Variants in MYH14 observed in about 807,000 individuals in gnomAD.
MYH14 encodes the protein myosin-14.
A neutral mutation model predicts 255.5 loss-of-function variants in MYH14; 123 were observed. The ratio of observed to expected loss-of-function variants is 0.48; its 90% CI spans 0.42 to 0.56. MYH14 has a LOEUF of 0.56. Among genes scored for constraint, MYH14 ranks in the 20% least tolerant of loss-of-function variants. MYH14 has a pLI of 0.00. For synonymous variants in MYH14, 1,095 were observed against 1,161.2 expected (o/e 0.94, Z 1.16); for missense variants, 2,423 against 2,802.3 (o/e 0.86, Z 3.06).
At chr19:50,234,163 C>T (rs1235319291) in intron 10 of MYH14, among the ~76,000 whole-genome samples, 8 of 152,048 alleles carry the variant, frequency 5.3e-5, no homozygotes, top group Admixed American at 4.6e-4. Context: ...TCGTTACATC[C>T]GTAATGACCC....
At chr19:50,299,859 C>T (rs998012135) in intron 39 of MYH14, among the ~76,000 whole-genome samples, 19 of 152,134 alleles carry the variant, frequency 1.2e-4, no homozygotes, top group Non-Finnish European at 2.2e-4. Flanking sequence ...GCAAGAAAAT[C>T]GCTTGACCCC....
rs989313282 is a variant in MYH14 at position 50,292,141 on chromosome 19, C to T, written c.5128-120C>T. On this transcript the variant is annotated intron_variant, in intron 36 of 42. Transcript: ENST00000642316. Reference sequence around the variant, plus strand: ...CACAGGAGCCCAGGTCTGCAGGGTTCGGAGAGTTCCCTGCTTGTTCACGGG... The same window carrying T: ...CACAGGAGCCCAGGTCTGCAGGGTTTGGAGAGTTCCCTGCTTGTTCACGGG... 9.3e-6 allele frequency: 10 copies of T among 1,075,352 alleles called. No individual in the cohort carries two copies. The East Asian group carries it at 1.2e-4, about 13-fold the overall frequency. 66.6% of individuals were successfully genotyped at this position (1,075,352 alleles called of 1,614,324 possible).
rs192216550 is a variant in MYH14 at position 50,275,813 on chromosome 19, G to A, written c.3468-178G>A. 2.0e-4 allele frequency among the ~76,000 whole-genome samples: 30 copies of A among 152,334 alleles called. No individual in the cohort carries two copies. In the East Asian group the frequency reaches 2.1e-3, roughly 11 times the overall value. ...TGCACTCCAGCATGGGCAGCAGAGC[G>A]AGACCCTGTCTCAGAAAACTTAAAT... On this transcript the variant is annotated intron_variant, in intron 27 of 42. Transcript: ENST00000642316.
Position 50,250,813 on chromosome 19 carries a change from G to A in MYH14, c.1830+125G>A. 9.9e-7 allele frequency: 1 copy of A among 1,010,638 alleles called. No homozygotes were observed. The allele number at this position is 1,010,638 out of a possible 1,614,324, so 62.6% of individuals were successfully genotyped here. A position where few individuals can be genotyped will look rare whatever the true frequency, so the allele number is the denominator to read the frequency against. On this transcript the variant is annotated intron_variant, in intron 15 of 42. Coordinates refer to ENST00000642316, the MANE Select transcript of MYH14 (RefSeq NM_001145809.2). The surrounding 1 kb of genome is among the most constrained non-coding windows in gnomAD (Gnocchi z 5.4). The stretch of plus-strand genomic sequence containing the variant: ...CCTGAGGTCCAGACAAACAGAGCAG[G>A]GGCTAGGAGAGCCCAGGGAGGAGCA...
chr19:50,268,562 G>A (rs553721825), intron 24 of MYH14, among the ~76,000 whole-genome samples, 195 bp downstream of exon 24: 1 of 152,374 alleles, frequency 6.6e-6, no homozygotes, highest in Admixed American at 6.5e-5. Flanking sequence ...ACCTATGGAT[G>A]GATCCAGGCA....
chr19:50,207,247 GAGAGAGAGAAAGAGAGAGAGAGAC>G (rs1362844783), intron 1 of MYH14, among the ~76,000 whole-genome samples: 2 of 137,148 alleles, frequency 1.5e-5, no homozygotes, highest in Non-Finnish European at 3.1e-5. Context: ...AAGAGAGAGA[GAGAGAGAGAAAGAGAGAGAGAGAC>G]AGAGAGAGAG....
chr19:50,280,084 A>C lies in MYH14; in HGVS notation c.4080A>C (p.Lys1360Asn). The change falls in exon 31 of 43, where the codon AAA becomes AAC. Residue 1360 changes from lysine (K) to asparagine (N), a missense_variant. Lys to Asn is a moderately conservative substitution (Grantham distance 94, BLOSUM62 0). Transcript: ENST00000642316. The surrounding 1 kb of genome is among the most constrained non-coding windows in gnomAD (Gnocchi z 4.8). ...GGGCGCTGAACGAGGCTGAGTCCAA[A>C]ACCATCCGTCTTAGCAAGGAGCTGA... The part of the protein sequence containing the change: ...VSGALNEAES[K>N]TIRLSKELSS... The C allele has an allele frequency of 6.2e-7, 1 of 1,611,088 alleles. No homozygotes were observed. Among genetic ancestry groups the C allele is most frequent in the South Asian group, 1.1e-5 (1 of 90,188 alleles).
In MYH14 at chr19:50,232,086, G is replaced by A; in HGVS notation, c.1114+16G>A. ...GAAATCATCTGTGAGTGAGCCCCGTGGAGGCCAGGGGTAGGGGGGAACCCC... is the reference window on the plus strand; with the variant it reads ...GAAATCATCTGTGAGTGAGCCCCGTAGAGGCCAGGGGTAGGGGGGAACCCC... On this transcript the variant is annotated intron_variant, in intron 10 of 42. Coordinates refer to ENST00000642316, the MANE Select transcript of MYH14 (RefSeq NM_001145809.2). 1 of 1,608,900 alleles carries A rather than the reference G, an allele frequency of 6.2e-7. No homozygotes were observed. The highest frequency in any genetic ancestry group is 8.5e-7 in the Non-Finnish European group (1 of 1,179,762).
chr19:50,259,169 T>C lies in MYH14; in HGVS notation c.2258T>C (p.Val753Ala). 6.4e-7 allele frequency: 1 copy of C among 1,561,530 alleles called. No homozygotes were observed. The highest frequency in any genetic ancestry group is 1.2e-5 in the South Asian group (1 of 84,908). ...GCCGGGAAGCTGGAGCCACGGCTGGTGCTGGACCAGCTTCGCTGCAACGGG... is the reference window on the plus strand; with the variant it reads ...GCCGGGAAGCTGGAGCCACGGCTGGCGCTGGACCAGCTTCGCTGCAACGGG... ...KRAGKLEPRL[V>A]LDQLRCNGVL... The change falls in exon 19 of 43, where the codon GTG (valine) becomes GCG (alanine). Residue 753 changes from valine to alanine, a missense_variant. Around this residue, in one of 3 missense-constraint regions of MYH14, gnomAD observed 672 missense variants for 881.8 expected, o/e 0.76. Coordinates refer to ENST00000642316, the MANE Select transcript of MYH14 (RefSeq NM_001145809.2).
In MYH14 at chr19:50,282,714, A is replaced by T. The variant is rs185006541; in HGVS notation, c.4539+872A>T. Among the ~76,000 whole-genome samples, 493 of 152,272 alleles carry T rather than the reference A, an allele frequency of 3.2e-3. 2 individuals are homozygous for T. The highest frequency in any genetic ancestry group is 0.01 in the South Asian group (50 of 4,826). On this transcript the variant is annotated intron_variant, in intron 33 of 42. Transcript: ENST00000642316. ...CAAGACTCCATCTCAAAAAAAAAAT[A>T]AAAAATTAAAAAAAATTTTTTTAAA... is the stretch of plus-strand genomic sequence containing the variant.
intron 3 of MYH14, among the ~76,000 whole-genome samples, chr19:50,219,230 G>C (rs748448701): frequency 1.3e-5 from 2 of 151,206 alleles, no homozygotes; most frequent in Non-Finnish European, 3.0e-5. Context: ...ATTGTGAATT[G>C]TGCTGCTATA....
intron 6 of MYH14, 64 bp from the exon 7 acceptor site, chr19:50,225,521 T>G (rs1427670580): frequency 4.6e-6 from 6 of 1,305,516 alleles, no homozygotes; most frequent in Non-Finnish European, 5.4e-6. Context: ...CAGCCCGAGC[T>G]GGGCTGGCCT....
At chr19:50,251,829 A>G (rs931321016) in intron 15 of MYH14, among the ~76,000 whole-genome samples, 13 of 152,066 alleles carry the variant, frequency 8.5e-5, no homozygotes, top group Non-Finnish European at 1.8e-4. Flanking sequence ...CCACCCGCAT[A>G]GGCCTCCCAA....
Position 50,291,890 on chromosome 19 carries a change from A to G in MYH14, c.5128-371A>G, listed in dbSNP as rs538012166. On this transcript the variant is annotated intron_variant, in intron 36 of 42. Coordinates refer to ENST00000642316, the MANE Select transcript of MYH14 (RefSeq NM_001145809.2). ...AAAAGTAAAGATAGAAATAAAATAA[A>G]TAAATCAACAGTAGGCAAACTGAGG... 2.6e-5 allele frequency among the ~76,000 whole-genome samples: 4 copies of G among 152,280 alleles called. No individual in the cohort carries two copies. The East Asian group carries it at 5.8e-4, about 22-fold the overall frequency.
At chr19:50,299,338 G>A (rs1021573022) in intron 39 of MYH14, among the ~76,000 whole-genome samples, 40 of 152,206 alleles carry the variant, frequency 2.6e-4, no homozygotes, top group African/African-American at 9.4e-4. Flanking sequence ...GGGAGGCCGA[G>A]GCGGGCAGAT....
chr19:50,302,858 C>G (rs1199708233), intron 40 of MYH14, among the ~76,000 whole-genome samples: 1 of 151,812 alleles, frequency 6.6e-6, no homozygotes, highest in Non-Finnish European at 1.5e-5. Flanking sequence ...GCCAAGATCA[C>G]GCCATTGCAC....
At position 50,261,628 on chromosome 19, in the gene MYH14, G is replaced by A; in HGVS notation, c.2578G>A (p.Ala860Thr). The A allele has an allele frequency of 6.3e-7, 1 of 1,595,720 alleles. No homozygotes were observed. ...CCAGGCAGCTGCCCGGGGATACCTG[G>A]CTCGCAGGTGGGCAGCCACGCTGTC... ...SFQAAARGYL[A>T]RRAFQKRQQQ... Residue 860 changes from alanine (A) to threonine (T), a missense_variant, in exon 21 of 43, where the codon GCT (alanine) becomes ACT (threonine). Physicochemically the swap from Ala to Thr is moderately conservative, Grantham distance 58. This residue lies in a region of MYH14 where 1,513 missense variants were observed against 1,674.8 expected (regional missense o/e 0.90). Transcript: ENST00000642316.
chr19:50,249,898 T>TCGC, intron 14 of MYH14, 75 bp downstream of exon 14: 2 of 1,562,440 alleles, frequency 1.3e-6, no homozygotes, highest in Non-Finnish European at 1.7e-6. Context: ...GACCAGGGTC[T>TCGC]AGCTCCTCCT....
At chr19:50,238,397 A>G (rs1418503172) in intron 10 of MYH14, among the ~76,000 whole-genome samples, 8 of 152,216 alleles carry the variant, frequency 5.3e-5, no homozygotes, top group African/African-American at 1.7e-4. Flanking sequence ...TTGCTGGGCC[A>G]GATGCACTGT....
Sources: allele counts gnomAD v4.1 joint callset (sites outside exome capture counted in the v4.1 genomes callset), GRCh38; gene constraint gnomAD v4.1.1; regional missense constraint gnomAD v4.1.1; non-coding constraint Gnocchi (gnomAD v3.1); transcripts MANE v1.5; gene names NCBI Gene and HGNC (gene_info 2026-07-23, HGNC 2026-07-21).